EYS: variants seen among roughly 807,000 people sequenced by gnomAD.
EYS encodes the protein protein eyes shut homolog.
EYS carries 250 observed loss-of-function variants against 282.1 expected under a neutral mutation model. The observed-to-expected ratio is 0.89, with a 90% CI of 0.80 to 0.98. The LOEUF is 0.98. EYS is among the 50% of genes least tolerant of loss of function. The pLI, the probability that EYS is intolerant of heterozygous loss-of-function variation, is 0.00. For missense variants in EYS, 4,016 were observed against 3,709.0 expected (o/e 1.08, Z -2.15); for synonymous variants, 1,355 against 1,282.9 (o/e 1.06, Z -1.20).
intron 11 of EYS, among the ~76,000 whole-genome samples, chr6:65,332,806 G>A (rs1370670055): frequency 1.3e-5 from 2 of 151,304 alleles, no homozygotes; most frequent in African/African-American, 4.8e-5. Context: ...TTTAATTACT[G>A]ATTCAATCTT....
chr6:65,436,656 T>C (rs1768086307), intron 5 of EYS, among the ~76,000 whole-genome samples: 1 of 152,076 alleles, frequency 6.6e-6, no homozygotes, highest in Non-Finnish European at 1.5e-5. Context: ...ATAGTGACAA[T>C]CTTTCAGAAA....
intron 12 of EYS, among the ~76,000 whole-genome samples, chr6:65,116,268 C>T (rs1362303949): frequency 6.6e-6 from 1 of 152,070 alleles, no homozygotes; most frequent in Non-Finnish European, 1.5e-5. Flanking sequence ...ACCATAGCAC[C>T]CTCCTCTTTT....
intron 9 of EYS, among the ~76,000 whole-genome samples, chr6:65,345,079 G>T (rs891656925): frequency 2.0e-5 from 3 of 151,546 alleles, no homozygotes; most frequent in African/African-American, 7.3e-5. Context: ...AATTAGAAAT[G>T]ATTCATAAAC....
intron 12 of EYS, among the ~76,000 whole-genome samples, chr6:65,271,148 A>ATATATATATATATATATATATATC (rs1229715204): frequency 7.3e-6 from 1 of 137,026 alleles, no homozygotes; most frequent in Non-Finnish European, 1.6e-5. Context: ...ATATATATAT[A>ATATATATATATATATATATATATC]TATATGAAGA....
At chr6:64,068,638 C>A (rs1165966559) in intron 32 of EYS, among the ~76,000 whole-genome samples, 1 of 151,622 alleles carries the variant, frequency 6.6e-6, no homozygotes, top group Admixed American at 6.6e-5. Flanking sequence ...CACATGTACC[C>A]TAGAATTTAA....
At chr6:64,978,984 GTTGAAATGACAAA>G (rs1770563787) in intron 14 of EYS, among the ~76,000 whole-genome samples, 1 of 151,898 alleles carries the variant, frequency 6.6e-6, no homozygotes, top group Admixed American at 6.6e-5. Context: ...TATGACCATT[GTTGAAATGACAAA>G]ATGGGATTTA....
chr6:64,807,678 CAT>C lies in EYS; in HGVS notation c.3443+5698_3443+5699del, dbSNP rs1483008710. On this transcript the variant is annotated intron_variant, in intron 22 of 42. Transcript: ENST00000503581. Reference sequence around the variant, plus strand: ...ACTTAAATGTTTGGATTGCCTAAAACATACATTACTAAAAATAAGTTTAGGTG... The same window carrying C: ...ACTTAAATGTTTGGATTGCCTAAAACACATTACTAAAAATAAGTTTAGGTG... Among the ~76,000 whole-genome samples, 92 of 152,172 alleles carry C rather than the reference CAT, an allele frequency of 6.0e-4. 2 individuals carry two copies. The highest frequency in any genetic ancestry group is 6.0e-3 in the Admixed American group (92 of 15,262).
intron 37 of EYS, among the ~76,000 whole-genome samples, chr6:63,803,125 A>G (rs1346179425): frequency 6.6e-6 from 1 of 152,136 alleles, no homozygotes; most frequent in East Asian, 1.9e-4. Flanking sequence ...TTTCAGTATC[A>G]TGGTCCAGGT....
intron 2 of EYS, among the ~76,000 whole-genome samples, chr6:65,554,838 A>T (rs145524664): frequency 1.8e-3 from 267 of 152,306 alleles, no homozygotes; most frequent in Non-Finnish European, 3.1e-3. Flanking sequence ...CAGTGCATAC[A>T]GTGTACCACA....
intron 5 of EYS, among the ~76,000 whole-genome samples, chr6:65,457,964 T>C (rs1764688932): frequency 6.6e-6 from 1 of 152,134 alleles, no homozygotes; most frequent in Admixed American, 6.6e-5. Context: ...TATATTACCT[T>C]CTTAATCATA....
intron 39 of EYS, among the ~76,000 whole-genome samples, chr6:63,787,732 G>A (rs746358856): frequency 2.0e-4 from 31 of 151,942 alleles, no homozygotes; most frequent in Non-Finnish European, 3.4e-4. Context: ...ACCTGAGGTC[G>A]GGAGTTCGAG....
At chr6:63,969,331 A>G (rs997851684) in intron 35 of EYS, among the ~76,000 whole-genome samples, 2 of 152,180 alleles carry the variant, frequency 1.3e-5, no homozygotes, top group African/African-American at 4.8e-5. Flanking sequence ...AACACCAGTA[A>G]AAATCTTAGA....
At chr6:65,489,002 A>G (rs1004541618) in intron 5 of EYS, among the ~76,000 whole-genome samples, 3 of 152,136 alleles carry the variant, frequency 2.0e-5, no homozygotes, top group African/African-American at 7.2e-5. Flanking sequence ...ACTTAAACAT[A>G]AGACCTGGAA....
intron 2 of EYS, among the ~76,000 whole-genome samples, chr6:65,592,928 C>T (rs1230043242): frequency 6.6e-6 from 1 of 151,982 alleles, no homozygotes; most frequent in Non-Finnish European, 1.5e-5. Flanking sequence ...CCACATAGCA[C>T]AACATTATGG....
At chr6:64,246,434 A>T (rs1165371464) in intron 30 of EYS, among the ~76,000 whole-genome samples, 1 of 152,084 alleles carries the variant, frequency 6.6e-6, no homozygotes, top group East Asian at 1.9e-4. Flanking sequence ...TTCAACACTG[A>T]TATATATGAA....
chr6:63,726,369 A>T, intron 42 of EYS, 150 bp downstream of exon 42: 1 of 712,496 alleles, frequency 1.4e-6, no homozygotes, highest in Non-Finnish European at 2.1e-6. Flanking sequence ...TAGGGCTTCT[A>T]AATTCATACG....
chr6:64,886,606 G>T, intron 19 of EYS, 91 bp downstream of exon 19: 1 of 1,072,724 alleles, frequency 9.3e-7, no homozygotes, highest in Non-Finnish European at 1.3e-6. Context: ...GCATCTGGCA[G>T]ATTATTTCAG....
chr6:65,651,380 A>T (rs550411447), intron 1 of EYS, among the ~76,000 whole-genome samples: 1 of 152,058 alleles, frequency 6.6e-6, no homozygotes. Context: ...AATTTTAGAA[A>T]GAAACTTCGG....
intron 26 of EYS, among the ~76,000 whole-genome samples, chr6:64,558,456 C>T (rs575483770): frequency 6.6e-6 from 1 of 151,872 alleles, no homozygotes; most frequent in South Asian, 2.1e-4. Flanking sequence ...ACTCTTCACC[C>T]CAAAATGTCA....
Sources: gnomAD v4.1 joint callset for allele counts (sites outside exome capture counted in the v4.1 genomes callset) on GRCh38, gnomAD v4.1.1 for gene constraint, MANE v1.5 for transcripts, NCBI Gene and HGNC (gene_info 2026-07-23, HGNC 2026-07-21) for gene names.